Variants in RAP1GAP2 observed in about 807,000 individuals in gnomAD.
The protein encoded by RAP1GAP2 is rap1 GTPase-activating protein 2.
A neutral mutation model predicts 95.0 loss-of-function variants in RAP1GAP2; 27 were observed. That is an observed-to-expected ratio of 0.28 (90% CI 0.21 to 0.39). The LOEUF is 0.39. RAP1GAP2 is among the 10% of genes least tolerant of loss of function. The pLI is 1.00. For missense variants in RAP1GAP2, 771 were observed against 970.0 expected (o/e 0.79, Z 2.72); for synonymous variants, 373 against 380.9 (o/e 0.98, Z 0.24).
chr17:2,920,003 C>CTTTTT (rs1218062080), intron 3 of RAP1GAP2, among the ~76,000 whole-genome samples: 1 of 133,984 alleles, frequency 7.5e-6, no homozygotes, highest in Non-Finnish European at 1.5e-5. Context: ...ATCTGGCCTC[C>CTTTTT]TTTTTTCTTT....
rs1016270311 is a variant in RAP1GAP2 at position 3,036,076 on chromosome 17, T to G, written c.*2715T>G. On this transcript the variant is annotated 3_prime_UTR_variant, in exon 25 of 25. Coordinates refer to ENST00000254695, the MANE Select transcript of RAP1GAP2 (RefSeq NM_015085.5). ...GGTCACCCATATGCCTCCAGCTCAGTTGACGCTTAAAAACAGGTGCAGAAA... is the reference window on the plus strand; with the variant it reads ...GGTCACCCATATGCCTCCAGCTCAGGTGACGCTTAAAAACAGGTGCAGAAA... The G allele has an allele frequency of 6.6e-6, 1 of 152,264 alleles. No homozygotes were observed. The highest frequency in any genetic ancestry group is 2.1e-4 in the South Asian group (1 of 4,838). The allele number at this position is 152,264 out of a possible 1,614,324, so 9.4% of individuals were successfully genotyped here.
chr17:2,823,371 G>A (rs2151524878), intron 2 of RAP1GAP2, among the ~76,000 whole-genome samples: 1 of 152,256 alleles, frequency 6.6e-6, no homozygotes, highest in South Asian at 2.1e-4. Context: ...ATGTCTGCAC[G>A]ACATACGCCC....
In RAP1GAP2 at chr17:3,034,412, A is replaced by G; in HGVS notation, c.*1051A>G. ...ACTCGAGGAGAGAGGTGAGGGGGGGATGACTTGCGGGTTCTGATCAGGCCC... is the reference window on the plus strand; with the variant it reads ...ACTCGAGGAGAGAGGTGAGGGGGGGGTGACTTGCGGGTTCTGATCAGGCCC... On this transcript the variant is annotated 3_prime_UTR_variant, in exon 25 of 25. Coordinates refer to ENST00000254695, the MANE Select transcript of RAP1GAP2 (RefSeq NM_015085.5). This position sits in a 1 kb window ranked among gnomAD's most constrained non-coding sequence, Gnocchi z 5.1. The G allele has an allele frequency of 4.4e-6, 1 of 229,292 alleles. No individual in the cohort carries two copies. The highest frequency in any genetic ancestry group is 3.9e-5 in the South Asian group (1 of 25,354). The allele number at this position is 229,292 out of a possible 1,614,324, so 14.2% of individuals were successfully genotyped here.
upstream of RAP1GAP2, among the ~76,000 whole-genome samples, chr17:2,792,511 C>T (rs535510405): frequency 2.7e-4 from 41 of 152,352 alleles, no homozygotes; most frequent in African/African-American, 9.6e-4. Flanking sequence ...AAGACTCTCA[C>T]ACCCTGCAGG....
intron 3 of RAP1GAP2, among the ~76,000 whole-genome samples, chr17:2,951,208 CT>C (rs1318534033): frequency 2.0e-5 from 3 of 152,246 alleles, no homozygotes; most frequent in African/African-American, 7.2e-5. Flanking sequence ...GGCTGATCCA[CT>C]AACGCTTCAC....
At chr17:2,761,460 G>A (rs2071247712) in intron 1 of RAP1GAP2, among the ~76,000 whole-genome samples, 1 of 151,556 alleles carries the variant, frequency 6.6e-6, no homozygotes, top group Non-Finnish European at 1.5e-5. Context: ...AGCTAATTTT[G>A]TATTTTTAGT....
chr17:3,006,569 G>A (rs2046345195), intron 16 of RAP1GAP2, among the ~76,000 whole-genome samples: 1 of 151,854 alleles, frequency 6.6e-6, no homozygotes, highest in Non-Finnish European at 1.5e-5. Context: ...GAGTAGCTGG[G>A]ACTACAGGCG....
chr17:2,764,858 C>T (rs986211127), intron 1 of RAP1GAP2, among the ~76,000 whole-genome samples: 2 of 152,232 alleles, frequency 1.3e-5, no homozygotes, highest in African/African-American at 4.8e-5. Context: ...TAATCTCCCT[C>T]CTCGGAGGCA....
chr17:2,762,017 CT>C (rs2071261481), intron 1 of RAP1GAP2, among the ~76,000 whole-genome samples: 2 of 99,428 alleles, frequency 2.0e-5, no homozygotes, highest in Non-Finnish European at 3.6e-5. Context: ...GAGACGGAGT[CT>C]TGCTCTGTTG....
Position 2,947,718 on chromosome 17 carries a change from G to A in RAP1GAP2, c.166-10041G>A, listed in dbSNP as rs148583204. 2.3e-4 allele frequency among the ~76,000 whole-genome samples: 35 copies of A among 152,130 alleles called. No homozygotes were observed. The East Asian group carries it at 5.4e-3, about 24-fold the overall frequency. On this transcript the variant is annotated intron_variant, in intron 3 of 24. Transcript: ENST00000254695. ...GGATGGGGACTTCTGGACCGGTAGC[G>A]GAGTCGGGCAGTGTGGCGTGCTCGG...
At chr17:2,940,025 C>T (rs146835216) in intron 3 of RAP1GAP2, among the ~76,000 whole-genome samples, 6 of 152,336 alleles carry the variant, frequency 3.9e-5, no homozygotes, top group African/African-American at 9.6e-5. Context: ...AGCAGGGCCC[C>T]GACTCTCGGG....
intron 3 of RAP1GAP2, among the ~76,000 whole-genome samples, chr17:2,952,962 A>G (rs2043969791): frequency 6.6e-6 from 1 of 150,940 alleles, no homozygotes; most frequent in African/African-American, 2.4e-5. Flanking sequence ...GCGCCACCAC[A>G]CCCAGCTAAT....
At chr17:2,922,126 C>G (rs2042799956) in intron 3 of RAP1GAP2, among the ~76,000 whole-genome samples, 1 of 152,232 alleles carries the variant, frequency 6.6e-6, no homozygotes, top group South Asian at 2.1e-4. Flanking sequence ...AATCCCAGAT[C>G]AAGGCTCCAA....
chr17:2,848,894 C>T (rs2071702430), intron 2 of RAP1GAP2, among the ~76,000 whole-genome samples: 1 of 152,182 alleles, frequency 6.6e-6, no homozygotes, highest in Non-Finnish European at 1.5e-5. Flanking sequence ...CGCCTTCCTG[C>T]CTCCCTCTTC....
At chr17:2,767,283 A>T (rs1424495071) in intron 1 of RAP1GAP2, among the ~76,000 whole-genome samples, 2 of 140,340 alleles carry the variant, frequency 1.4e-5, no homozygotes, top group African/African-American at 5.2e-5. Context: ...AATCACTTGA[A>T]CCCGGGCGGC....
At chr17:2,896,853 G>A (rs1597547338) in intron 2 of RAP1GAP2, among the ~76,000 whole-genome samples, 1 of 152,196 alleles carries the variant, frequency 6.6e-6, no homozygotes, top group Admixed American at 6.5e-5. Context: ...TCTGGCCCGG[G>A]CCTCCCCTTG....
At chr17:2,983,691 C>T (rs1022151420) in intron 10 of RAP1GAP2, among the ~76,000 whole-genome samples, 12 of 152,150 alleles carry the variant, frequency 7.9e-5, no homozygotes, top group East Asian at 1.9e-4. Context: ...AACTGTAAGA[C>T]GATCCATTAC....
chr17:2,836,219 A>G (rs1186209857), intron 2 of RAP1GAP2, among the ~76,000 whole-genome samples: 1 of 152,004 alleles, frequency 6.6e-6, no homozygotes, highest in Non-Finnish European at 1.5e-5. Context: ...GAGGTCTACT[A>G]TGTTCACTAA....
At chr17:2,813,713 T>C (rs2069873390) in intron 2 of RAP1GAP2, among the ~76,000 whole-genome samples, 1 of 151,952 alleles carries the variant, frequency 6.6e-6, no homozygotes, top group Admixed American at 6.6e-5. Flanking sequence ...TCCCAGCACT[T>C]TGGGAGGCCC....
Sources: allele counts gnomAD v4.1 joint callset (sites outside exome capture counted in the v4.1 genomes callset), GRCh38; gene constraint gnomAD v4.1.1; non-coding constraint Gnocchi (gnomAD v3.1); transcripts MANE v1.5; gene names NCBI Gene and HGNC (gene_info 2026-07-23, HGNC 2026-07-21).